Variants in CYYR1 observed in about 807,000 individuals in gnomAD.
CYYR1 encodes the protein cysteine and tyrosine-rich protein 1.
CYYR1 carries 14 observed loss-of-function variants against 15.2 expected under a neutral mutation model. The ratio of observed to expected loss-of-function variants is 0.92; its 90% CI spans 0.61 to 1.44. CYYR1 has a LOEUF of 1.44. CYYR1 is among the 40% of genes most tolerant of loss of function. The probability of loss-of-function intolerance (pLI) is 0.00; values close to 1 mark genes in which losing one functional copy is unlikely to be tolerated. For synonymous variants in CYYR1, 80 were observed against 77.4 expected (o/e 1.03, Z -0.18); for missense variants, 228 against 209.5 (o/e 1.09, Z -0.54).
intron 2 of CYYR1, among the ~76,000 whole-genome samples, chr21:26,557,582 G>A (rs1008032088): frequency 6.6e-5 from 10 of 152,162 alleles, no homozygotes; most frequent in African/African-American, 2.2e-4. Flanking sequence ...AATAGCATCC[G>A]AATGTAAAGA....
At chr21:26,491,741 G>A (rs1166934594) in intron 2 of CYYR1, among the ~76,000 whole-genome samples, 1 of 152,216 alleles carries the variant, frequency 6.6e-6, no homozygotes, top group Non-Finnish European at 1.5e-5. Flanking sequence ...GAGTCCACGT[G>A]CCTAACCCAG....
intron 2 of CYYR1, among the ~76,000 whole-genome samples, chr21:26,538,305 C>T (rs943261302): frequency 5.9e-5 from 9 of 152,130 alleles, no homozygotes; most frequent in South Asian, 4.1e-4. Context: ...TTGAGTTTTT[C>T]GTCTACTTTC....
chr21:26,498,424 A>T (rs1004821736), intron 2 of CYYR1, among the ~76,000 whole-genome samples: 1 of 152,220 alleles, frequency 6.6e-6, no homozygotes, highest in Admixed American at 6.5e-5. Context: ...AGGAGAGGAA[A>T]CAACCAGTAG....
intron 2 of CYYR1, chr21:26,550,860 A>T (rs1240659136): frequency 6.6e-6 from 1 of 152,260 alleles, no homozygotes; most frequent in Non-Finnish European, 1.5e-5. Context: ...ATCATTGATA[A>T]ACGTGGCTAC....
chr21:26,466,560 A>C lies in CYYR1; in HGVS notation c.*1941T>G, dbSNP rs1295833639. 6.6e-6 allele frequency: 1 copy of C among 152,190 alleles called. No homozygotes were observed. Among genetic ancestry groups the C allele is most frequent in the Non-Finnish European group, 1.5e-5 (1 of 68,036 alleles). The allele number at this position is 152,190 out of a possible 1,614,324, so 9.4% of individuals were successfully genotyped here. ...AATTTGCAGAATATAGGAGGTACGCAATAAATGTTTATTGATGGTGAAGAT... is the reference window on the plus strand; with the variant it reads ...AATTTGCAGAATATAGGAGGTACGCCATAAATGTTTATTGATGGTGAAGAT... On this transcript the variant is annotated 3_prime_UTR_variant, in exon 4 of 4. Transcript: ENST00000652641.
At chr21:26,493,288 AAC>A (rs1328736763) in intron 2 of CYYR1, among the ~76,000 whole-genome samples, 1 of 152,182 alleles carries the variant, frequency 6.6e-6, no homozygotes, top group East Asian at 1.9e-4. Context: ...AAATGGTCTA[AAC>A]ATGGATACGT....
chr21:26,555,707 T>C (rs1601827118), intron 2 of CYYR1, among the ~76,000 whole-genome samples: 1 of 152,160 alleles, frequency 6.6e-6, no homozygotes, highest in Non-Finnish European at 1.5e-5. Flanking sequence ...TTATACCTTA[T>C]GAGGTTATCA....
chr21:26,513,978 G>A lies in CYYR1; in HGVS notation c.177-33549C>T, dbSNP rs1412613153. On this transcript the variant is annotated intron_variant, in intron 2 of 3. Transcript: ENST00000652641. The stretch of plus-strand genomic sequence containing the variant: ...TACCTAATGTAAATGACGAGTTAAT[G>A]GGTGCAGCACACCAACATGGCACAT... Among the ~76,000 whole-genome samples the A allele has an allele frequency of 2.0e-5, 3 of 151,766 alleles. No individual in the cohort carries two copies. In the East Asian group the frequency reaches 5.9e-4, roughly 30 times the overall value.
intron 1 of CYYR1, among the ~76,000 whole-genome samples, chr21:26,569,704 T>C (rs574090717): frequency 1.3e-5 from 2 of 152,352 alleles, no homozygotes; most frequent in South Asian, 2.1e-4. Flanking sequence ...AGTAACGTCA[T>C]GGGTGCCTTT....
intron 2 of CYYR1, among the ~76,000 whole-genome samples, chr21:26,561,220 A>C (rs1034470818): frequency 2.0e-5 from 3 of 151,716 alleles, no homozygotes; most frequent in Admixed American, 2.0e-4. Context: ...CAAAAATAAG[A>C]CTCCCACAAG....
intron 2 of CYYR1, among the ~76,000 whole-genome samples, chr21:26,549,873 A>C (rs1847861): frequency 0.18 from 27,919 of 152,164 alleles, 2,726 homozygotes; most frequent in African/African-American, 0.24. Flanking sequence ...CCCTCCGTGT[A>C]AGTCAGTATA....
At chr21:26,572,461 G>A (rs1379508842) in intron 1 of CYYR1, among the ~76,000 whole-genome samples, 1 of 152,102 alleles carries the variant, frequency 6.6e-6, no homozygotes, top group Non-Finnish European at 1.5e-5. Context: ...CCCAAAGAAC[G>A]AAAACAAAGC....
chr21:26,571,855 T>C (rs8129932), intron 1 of CYYR1, among the ~76,000 whole-genome samples: 12,125 of 152,214 alleles, frequency 0.08, 1,639 homozygotes, highest in African/African-American at 0.28. Context: ...TTTAAAATGG[T>C]AACTCCTAGA....
At chr21:26,510,270 T>A (rs1203057246) in intron 2 of CYYR1, among the ~76,000 whole-genome samples, 2 of 152,202 alleles carry the variant, frequency 1.3e-5, no homozygotes, top group African/African-American at 4.8e-5. Flanking sequence ...ATGAATTACA[T>A]TCCTATTTTA....
intron 2 of CYYR1, among the ~76,000 whole-genome samples, chr21:26,524,158 G>A (rs1296405049): frequency 6.6e-6 from 1 of 152,282 alleles, no homozygotes; most frequent in African/African-American, 2.4e-5. Flanking sequence ...GCCGGGGGTT[G>A]TTTTGCATGT....
At chr21:26,540,972 A>G (rs945306561) in intron 2 of CYYR1, among the ~76,000 whole-genome samples, 4 of 152,240 alleles carry the variant, frequency 2.6e-5, no homozygotes, top group African/African-American at 9.6e-5. Flanking sequence ...TGGAAATTCT[A>G]GAAATGAGGA....
chr21:26,558,992 G>A (rs1192215694), intron 2 of CYYR1, among the ~76,000 whole-genome samples: 1 of 152,118 alleles, frequency 6.6e-6, no homozygotes, highest in African/African-American at 2.4e-5. Flanking sequence ...TCTTGAAGAG[G>A]TGTTACTGCT....
chr21:26,558,301 C>A (rs1206121153), intron 2 of CYYR1, among the ~76,000 whole-genome samples: 2 of 152,040 alleles, frequency 1.3e-5, no homozygotes, highest in Non-Finnish European at 2.9e-5. Context: ...ACCCATATGC[C>A]ACTACCTGGA....
intron 2 of CYYR1, among the ~76,000 whole-genome samples, chr21:26,552,580 A>G (rs1404804623): frequency 3.3e-5 from 5 of 151,906 alleles, no homozygotes; most frequent in Non-Finnish European, 7.4e-5. Flanking sequence ...CTTTTCAGTT[A>G]TAAGAATATT....
Sources: allele counts gnomAD v4.1 joint callset (sites outside exome capture counted in the v4.1 genomes callset), GRCh38; gene constraint gnomAD v4.1.1; transcripts MANE v1.5; gene names NCBI Gene and HGNC (gene_info 2026-07-23, HGNC 2026-07-21).